Variants in MARCHF4 observed in about 807,000 individuals in gnomAD.
The protein encoded by MARCHF4 is membrane associated ring-CH-type finger 4.
A neutral mutation model predicts 43.9 loss-of-function variants in MARCHF4; 14 were observed. That is an observed-to-expected ratio of 0.32 (90% CI 0.21 to 0.50). MARCHF4 has a LOEUF of 0.50. MARCHF4 is among the 20% of genes least tolerant of loss of function. The pLI is 0.98. For synonymous variants in MARCHF4, 226 were observed against 213.3 expected, an observed-to-expected ratio of 1.06 and a Z score of -0.52; for missense variants, 468 against 536.7, an observed-to-expected ratio of 0.87 and a Z score of 1.27.
At chr2:216,274,789 C>T (rs1690994916) in intron 3 of MARCHF4, among the ~76,000 whole-genome samples, 1 of 152,168 alleles carries the variant, frequency 6.6e-6, no homozygotes, top group African/African-American at 2.4e-5. Flanking sequence ...AAGACAAATG[C>T]CTCTGTTTCA....
At chr2:216,338,400 C>T (rs995418266) in intron 1 of MARCHF4, among the ~76,000 whole-genome samples, 4 of 152,202 alleles carry the variant, frequency 2.6e-5, no homozygotes, top group Admixed American at 6.5e-5. Flanking sequence ...AAGTTTCTGC[C>T]GCCTTCCTCC....
At chr2:216,281,240 T>C (rs531754802) in intron 2 of MARCHF4, among the ~76,000 whole-genome samples, 4 of 152,100 alleles carry the variant, frequency 2.6e-5, no homozygotes, top group African/African-American at 9.6e-5. Flanking sequence ...AGCTAATTTC[T>C]TTTGTAGAGA....
Position 216,361,234 on chromosome 2 carries a change from T to C in MARCHF4, c.516+8511A>G, listed in dbSNP as rs184184360. Among the ~76,000 whole-genome samples the C allele has an allele frequency of 8.4e-4, 109 of 129,262 alleles. 2 individuals carry two copies. Among genetic ancestry groups the C allele is most frequent in the Non-Finnish European group, 1.6e-3 (90 of 56,004 alleles). 84.8% of individuals were successfully genotyped at this position (129,262 alleles called of 152,430 possible). A position where few individuals can be genotyped will look rare whatever the true frequency, so the allele number is the denominator to read the frequency against. ...CACCACTAGAAAGGTGTTAAAGATA[T>C]ATTATCACTATGGTGAGATTTTCTC... On this transcript the variant is annotated intron_variant, in intron 1 of 3. Transcript: ENST00000273067.
intron 1 of MARCHF4, among the ~76,000 whole-genome samples, chr2:216,312,478 G>A (rs78020725): frequency 0.011 from 1,630 of 152,004 alleles, 32 homozygotes; most frequent in African/African-American, 0.037. Flanking sequence ...GATACACAGT[G>A]TGGAGGTTGA....
At chr2:216,356,364 T>C (rs1692503269) in intron 1 of MARCHF4, among the ~76,000 whole-genome samples, 2 of 152,350 alleles carry the variant, frequency 1.3e-5, no homozygotes, top group South Asian at 2.1e-4. Flanking sequence ...TCATCCGCTT[T>C]GGACAGACGG....
At chr2:216,298,372 T>C (rs1329467124) in intron 1 of MARCHF4, among the ~76,000 whole-genome samples, 1 of 149,440 alleles carries the variant, frequency 6.7e-6, no homozygotes, top group Non-Finnish European at 1.5e-5. Flanking sequence ...CTCAAGTGAT[T>C]CTCCAACCTC....
At chr2:216,358,217 A>G (rs1041942231) in intron 1 of MARCHF4, among the ~76,000 whole-genome samples, 3 of 152,212 alleles carry the variant, frequency 2.0e-5, no homozygotes, top group Non-Finnish European at 1.5e-5. Context: ...TGACTTGCCC[A>G]AGGACACACA....
At chr2:216,349,837 A>G (rs1427174175) in intron 1 of MARCHF4, among the ~76,000 whole-genome samples, 1 of 152,094 alleles carries the variant, frequency 6.6e-6, no homozygotes, top group Non-Finnish European at 1.5e-5. Flanking sequence ...GGCATTTAAC[A>G]TTTTTCTCAA....
At chr2:216,292,241 G>A (rs1340008726) in intron 1 of MARCHF4, among the ~76,000 whole-genome samples, 1 of 152,218 alleles carries the variant, frequency 6.6e-6, no homozygotes, top group Non-Finnish European at 1.5e-5. Flanking sequence ...GGAGATATCT[G>A]TTAAGAGAAA....
At chr2:216,261,105 C>G (rs776057985) in intron 3 of MARCHF4, among the ~76,000 whole-genome samples, 1 of 152,038 alleles carries the variant, frequency 6.6e-6, no homozygotes, top group Non-Finnish European at 1.5e-5. Context: ...CTGCGGTGAC[C>G]GGATTCATTT....
chr2:216,272,741 C>T (rs207819), intron 3 of MARCHF4, among the ~76,000 whole-genome samples: 89,400 of 152,096 alleles, frequency 0.59, 29,715 homozygotes, highest in Non-Finnish European at 0.75. Context: ...AAGCAACGTA[C>T]GTTTGGCTTT....
At chr2:216,322,042 A>T (rs1034462069) in intron 1 of MARCHF4, among the ~76,000 whole-genome samples, 3 of 152,198 alleles carry the variant, frequency 2.0e-5, no homozygotes, top group Non-Finnish European at 4.4e-5. Context: ...TGGCTGTGAA[A>T]TGAGGACTAA....
At chr2:216,355,983 T>C (rs1158194597) in intron 1 of MARCHF4, among the ~76,000 whole-genome samples, 1 of 152,224 alleles carries the variant, frequency 6.6e-6, no homozygotes, top group Admixed American at 6.5e-5. Context: ...CGCTGGCTGG[T>C]TTTGGCACTT....
At chr2:216,311,494 G>A (rs1042758524) in intron 1 of MARCHF4, among the ~76,000 whole-genome samples, 1 of 152,166 alleles carries the variant, frequency 6.6e-6, no homozygotes, top group Admixed American at 6.5e-5. Context: ...ATGGCCTCAA[G>A]TGACCCACCT....
At chr2:216,260,006 T>C (rs1358883073) in intron 3 of MARCHF4, among the ~76,000 whole-genome samples, 1 of 152,228 alleles carries the variant, frequency 6.6e-6, no homozygotes, top group African/African-American at 2.4e-5. Context: ...CTCTATTATG[T>C]ATCCATGGCA....
rs746719861 is a variant in MARCHF4 at position 216,370,152 on chromosome 2, G to A, written c.109C>T (p.Leu37Phe). The change falls in exon 1 of 4, where the codon CTC (leucine) becomes TTC (phenylalanine). Residue 37 changes from leucine (L) to phenylalanine (F), a missense_variant. Leu to Phe is a conservative substitution (Grantham distance 22). Transcript: ENST00000273067. ...PAPQMLRHQG[L>F]LKCRCRMLFN... ...AGCATGCGGCAGCGGCACTTGAGGAGACCCTGGTGGCGCAACATCTGGGGG... is the reference window on the plus strand; with the variant it reads ...AGCATGCGGCAGCGGCACTTGAGGAAACCCTGGTGGCGCAACATCTGGGGG... 17 of 1,609,960 alleles carry A rather than the reference G, an allele frequency of 1.1e-5. No homozygotes were observed. Among genetic ancestry groups the A allele is most frequent in the Non-Finnish European group, 1.4e-5 (17 of 1,178,524 alleles).
intron 3 of MARCHF4, among the ~76,000 whole-genome samples, chr2:216,277,046 A>G (rs530520055): frequency 6.6e-6 from 1 of 152,348 alleles, no homozygotes; most frequent in African/African-American, 2.4e-5. Context: ...AATAGATAAA[A>G]GAACAGAAGC....
intron 1 of MARCHF4, among the ~76,000 whole-genome samples, chr2:216,292,702 A>G (rs1433837782): frequency 6.6e-6 from 1 of 152,182 alleles, no homozygotes; most frequent in Non-Finnish European, 1.5e-5. Flanking sequence ...TTGACCAACT[A>G]TTTGTGTCTG....
chr2:216,344,871 A>T (rs1264064730), intron 1 of MARCHF4, among the ~76,000 whole-genome samples: 1 of 151,946 alleles, frequency 6.6e-6, no homozygotes, highest in Admixed American at 6.6e-5. Flanking sequence ...ATGAGCTGGG[A>T]CAAAGAGCAC....
Sources: allele counts gnomAD v4.1 joint callset (sites outside exome capture counted in the v4.1 genomes callset), GRCh38; gene constraint gnomAD v4.1.1; transcripts MANE v1.5; gene names NCBI Gene and HGNC (gene_info 2026-07-23, HGNC 2026-07-21).